The following TUBGCP3 variants were observed in gnomAD, a reference collection of about 807,000 sequenced individuals.
TUBGCP3 encodes tubulin gamma complex component 3, also known as gamma-tubulin complex component 3.
Under a neutral mutation model 123.1 loss-of-function variants are expected in TUBGCP3, and 50 were observed. That is an observed-to-expected ratio of 0.41 (90% CI 0.32 to 0.51). The LOEUF is 0.51. Among genes scored for constraint, TUBGCP3 ranks in the 20% least tolerant of loss-of-function variants. TUBGCP3 has a pLI of 0.36. For synonymous variants in TUBGCP3, 405 were observed against 413.9 expected, an observed-to-expected ratio of 0.98 and a Z score of 0.26; for missense variants, 882 against 1,127.0, an observed-to-expected ratio of 0.78 and a Z score of 3.11.
At chr13:112,595,980 T>C in the TUBGCP3 span, among the ~76,000 whole-genome samples, 3 of 152,232 alleles carry the variant, frequency 2.0e-5, no homozygotes, top group Non-Finnish European at 2.9e-5. Context: ...GGAGTTTCTT[T>C]AGGTGCTACT....
At chr13:112,500,248 A>G (rs759816233) in intron 19 of TUBGCP3, among the ~76,000 whole-genome samples, 1 of 152,212 alleles carries the variant, frequency 6.6e-6, no homozygotes, top group Non-Finnish European at 1.5e-5. Context: ...TAATTTAAAT[A>G]AGGCATCTAA....
At chr13:112,596,813 C>T in the TUBGCP3 span, among the ~76,000 whole-genome samples, 1 of 152,132 alleles carries the variant, frequency 6.6e-6, no homozygotes, top group Admixed American at 6.5e-5. Flanking sequence ...TGAATGACTT[C>T]TATTATTCTA....
chr13:112,507,860 C>CT (rs1471482338), intron 17 of TUBGCP3, among the ~76,000 whole-genome samples: 1 of 152,132 alleles, frequency 6.6e-6, no homozygotes, highest in Non-Finnish European at 1.5e-5. Context: ...GATTAAATCA[C>CT]TAATTCTATT....
the TUBGCP3 span, among the ~76,000 whole-genome samples, chr13:112,597,478 A>G: frequency 1.3e-5 from 2 of 152,226 alleles, no homozygotes; most frequent in Admixed American, 1.3e-4. Context: ...AGGTGAGGAG[A>G]CAACGAGTGT....
At chr13:112,575,736 TC>T (rs1881756665) in intron 1 of TUBGCP3, among the ~76,000 whole-genome samples, 1 of 152,182 alleles carries the variant, frequency 6.6e-6, no homozygotes, top group African/African-American at 2.4e-5. Context: ...ATAAAATTAT[TC>T]AAAGTATGTC....
chr13:112,603,499 C>G, the TUBGCP3 span: 2 of 152,206 alleles, frequency 1.3e-5, no homozygotes, highest in Admixed American at 1.3e-4. Flanking sequence ...CTGAGGTGGG[C>G]AGATCGCAAG....
At chr13:112,490,123 G>C (rs1413655823) in intron 20 of TUBGCP3, among the ~76,000 whole-genome samples, 2 of 152,204 alleles carry the variant, frequency 1.3e-5, no homozygotes, top group South Asian at 4.1e-4. Context: ...TAGTGAGAAT[G>C]CTTCTAGTTC....
intron 3 of TUBGCP3, among the ~76,000 whole-genome samples, chr13:112,562,248 T>TACCACCAGCCAGGACCTACTAGGGAAC (rs1566580716): frequency 1.7e-5 from 2 of 116,482 alleles, no homozygotes; most frequent in African/African-American, 7.0e-5. Flanking sequence ...TACTAGGGAA[T>TACCACCAGCCAGGACCTACTAGGGAAC]ACCACCAGCC....
intron 21 of TUBGCP3, among the ~76,000 whole-genome samples, chr13:112,488,002 C>T (rs935013555): frequency 1.3e-5 from 2 of 151,674 alleles, no homozygotes; most frequent in African/African-American, 2.4e-5. Flanking sequence ...TGTGGTGGCG[C>T]GTGCCTGTAA....
intron 19 of TUBGCP3, among the ~76,000 whole-genome samples, chr13:112,499,480 T>A (rs972083659): frequency 2.0e-5 from 3 of 151,922 alleles, no homozygotes; most frequent in African/African-American, 7.3e-5. Context: ...TCACCTCCAA[T>A]CCTCACAAGT....
Position 112,526,965 on chromosome 13 carries a change from T to C in TUBGCP3, c.1532A>G (p.Lys511Arg), listed in dbSNP as rs1283674686. 1 of 1,614,110 alleles carries C rather than the reference T, an allele frequency of 6.2e-7. No individual in the cohort carries two copies. Among genetic ancestry groups the C allele is most frequent in the East Asian group, 2.2e-5 (1 of 44,884 alleles). The change falls in exon 13 of 22, where the codon AAG (lysine) becomes AGG (arginine). Residue 511 changes from lysine (K) to arginine (R), a missense_variant. Physicochemically the swap from Lys to Arg is conservative, Grantham distance 26. Transcript: ENST00000261965. ...TPTTKMIAVTKSAESPQDAAD... is the reference protein window; with the variant it reads ...TPTTKMIAVTRSAESPQDAAD... ...ACCGTCCTGGGGTGACTCTGCAGAC[T>C]TGGTCACAGCTATCATCTTTGTAGT...
chr13:112,503,953 G>A, intron 19 of TUBGCP3, 79 bp downstream of exon 19: 1 of 1,505,452 alleles, frequency 6.6e-7, no homozygotes. Flanking sequence ...GCATTTCTAA[G>A]ATTCCCCCAT....
At chr13:112,580,717 A>C (rs1594234071) in intron 1 of TUBGCP3, among the ~76,000 whole-genome samples, 1 of 152,368 alleles carries the variant, frequency 6.6e-6, no homozygotes, top group East Asian at 1.9e-4. Context: ...GAATACCTTC[A>C]AAGTGGGCAG....
intron 1 of TUBGCP3, among the ~76,000 whole-genome samples, chr13:112,578,011 G>A (rs1881963936): frequency 6.6e-6 from 1 of 152,174 alleles, no homozygotes; most frequent in South Asian, 2.1e-4. Flanking sequence ...GCTGAGGCAG[G>A]GCTTGCATGT....
Position 112,519,020 on chromosome 13 carries a change from C to T in TUBGCP3, c.1905G>A (p.Trp635Ter). The T allele has an allele frequency of 6.2e-7, 1 of 1,613,940 alleles. No homozygotes were observed. The highest frequency in any genetic ancestry group is 8.5e-7 in the Non-Finnish European group (1 of 1,179,842). Reference sequence around the variant, plus strand: ...CATGATAATCGAGGCTGAAGACATCCCATCCAGTGTCACCTGGAGAGACCT... The same window carrying T: ...CATGATAATCGAGGCTGAAGACATCTCATCCAGTGTCACCTGGAGAGACCT... The part of the protein sequence containing the change: ...LLEVSPGDTG[W>*]DVFSLDYHVD... The change falls in exon 16 of 22, where the codon TGG becomes TGA. Residue 635 changes from tryptophan (W) to a stop codon, truncating the protein, a stop_gained. Transcript: ENST00000261965. LOFTEE classifies it high-confidence loss of function. This position sits in a 1 kb window ranked among gnomAD's most constrained non-coding sequence, Gnocchi z 6.2.
chr13:112,519,166 G>C lies in TUBGCP3; in HGVS notation c.1882-123C>G. On this transcript the variant is annotated intron_variant, in intron 15 of 21. Transcript: ENST00000261965. This position sits in a 1 kb window ranked among gnomAD's most constrained non-coding sequence, Gnocchi z 6.2. ...TAAAAACTGCTCAACAGTTCTGAGT[G>C]CATCTTCTTGTTAACTTCTACAACC... 1.4e-6 allele frequency: 1 copy of C among 735,720 alleles called. No individual in the cohort carries two copies. The highest frequency in any genetic ancestry group is 2.4e-6 in the Non-Finnish European group (1 of 418,794). 45.6% of individuals were successfully genotyped at this position (735,720 alleles called of 1,614,324 possible). A position where few individuals can be genotyped will look rare whatever the true frequency, so the allele number is the denominator to read the frequency against.
intron 3 of TUBGCP3, among the ~76,000 whole-genome samples, chr13:112,562,211 CACTAGGGACCACCACCAGCCAGGGCCT>C (rs1880569787): frequency 6.6e-6 from 1 of 151,500 alleles, no homozygotes; most frequent in Non-Finnish European, 1.5e-5. Context: ...AGCCAGGACC[CACTAGGGACCACCACCAGCCAGGGCCT>C]ACTAGGGAAT....
At chr13:112,498,582 A>G (rs1308311661) in intron 20 of TUBGCP3, among the ~76,000 whole-genome samples, 2 of 152,220 alleles carry the variant, frequency 1.3e-5, no homozygotes, top group Non-Finnish European at 2.9e-5. Context: ...TGCTCCATCT[A>G]TATTATATTA....
chr13:112,497,088 T>C (rs1307118254), intron 20 of TUBGCP3, among the ~76,000 whole-genome samples: 1 of 152,114 alleles, frequency 6.6e-6, no homozygotes, highest in Non-Finnish European at 1.5e-5. Flanking sequence ...GTTTTACAAA[T>C]GGCAGTGGCC....
Sources: allele counts gnomAD v4.1 joint callset (sites outside exome capture counted in the v4.1 genomes callset), GRCh38; gene constraint gnomAD v4.1.1; non-coding constraint Gnocchi (gnomAD v3.1); transcripts MANE v1.5; gene names NCBI Gene and HGNC (gene_info 2026-07-23, HGNC 2026-07-21).